Variants in DYNLT5 observed in about 807,000 individuals in gnomAD.
The protein encoded by DYNLT5 is dynein light chain Tctex-type 5.
A neutral mutation model predicts 19.3 loss-of-function variants in DYNLT5; 25 were observed. That is an observed-to-expected ratio of 1.30 (90% CI 0.95 to 1.81). The LOEUF is 1.81. Ranked by LOEUF, DYNLT5 falls within the 40% of genes most tolerant of loss-of-function variation. The probability of loss-of-function intolerance (pLI) is 0.00; values close to 1 mark genes in which losing one functional copy is unlikely to be tolerated. For missense variants in DYNLT5, 232 were observed against 217.9 expected (o/e 1.06, Z -0.41); for synonymous variants, 82 against 68.9 (o/e 1.19, Z -0.94).
At chr1:66,755,807 T>C (rs2094635148) in intron 2 of DYNLT5, 1 of 152,224 alleles carries the variant, frequency 6.6e-6, no homozygotes, top group African/African-American at 2.4e-5. Context: ...AATTTTTGCT[T>C]CTAAACTTTT....
rs2150870401 is a variant in DYNLT5, at chr1:66,777,650, T to A, written c.*196T>A. 1 of 447,812 alleles carries A rather than the reference T, an allele frequency of 2.2e-6. No individual in the cohort carries two copies. The highest frequency in any genetic ancestry group is 3.3e-5 in the East Asian group (1 of 30,658). The allele number at this position is 447,812 out of a possible 1,614,324, so 27.7% of individuals were successfully genotyped here. On this transcript the variant is annotated 3_prime_UTR_variant, in exon 5 of 5. Coordinates refer to ENST00000282670, the MANE Select transcript of DYNLT5 (RefSeq NM_152665.3). ...GTAGCCACAGAAAGAATCTTGTTTA[T>A]CTAAAGCAGGAACTTGATCTTGGTT... is the stretch of plus-strand genomic sequence containing the variant.
chr1:66,764,322 C>A (rs2094650858), intron 2 of DYNLT5, among the ~76,000 whole-genome samples: 1 of 152,194 alleles, frequency 6.6e-6, no homozygotes, highest in African/African-American at 2.4e-5. Flanking sequence ...TTGGTTATTT[C>A]TAGCTTTTGA....
intron 2 of DYNLT5, among the ~76,000 whole-genome samples, chr1:66,758,199 A>C (rs2094639941): frequency 6.6e-6 from 1 of 152,232 alleles, no homozygotes; most frequent in East Asian, 1.9e-4. Flanking sequence ...TAATAAAACT[A>C]TTCTGTTCAT....
At chr1:66,758,204 G>C (rs1361621477) in intron 2 of DYNLT5, among the ~76,000 whole-genome samples, 2 of 152,126 alleles carry the variant, frequency 1.3e-5, no homozygotes, top group African/African-American at 4.8e-5. Context: ...AAACTATTCT[G>C]TTCATTCACC....
chr1:66,772,104 C>T (rs547388002), intron 3 of DYNLT5, among the ~76,000 whole-genome samples: 1 of 152,162 alleles, frequency 6.6e-6, no homozygotes, highest in African/African-American at 2.4e-5. Context: ...GGGTTTATTT[C>T]ACATATGAAA....
At chr1:66,772,901 T>C (rs950999995) in intron 3 of DYNLT5, among the ~76,000 whole-genome samples, 1 of 152,226 alleles carries the variant, frequency 6.6e-6, no homozygotes, top group African/African-American at 2.4e-5. Flanking sequence ...TGAATACTAA[T>C]TTTGCTAATT....
chr1:66,771,771 G>A (rs1196637037), intron 3 of DYNLT5, among the ~76,000 whole-genome samples: 1 of 152,206 alleles, frequency 6.6e-6, no homozygotes, highest in Non-Finnish European at 1.5e-5. Context: ...GTGCATGCTG[G>A]AAGGGTTTGA....
chr1:66,767,592 C>T (rs1355700427), intron 2 of DYNLT5, among the ~76,000 whole-genome samples: 1 of 152,172 alleles, frequency 6.6e-6, no homozygotes, highest in Non-Finnish European at 1.5e-5. Context: ...CTTGTAGCAT[C>T]CCACTTCCAG....
At position 66,777,557 on chromosome 1, in the gene DYNLT5, C is replaced by A. The variant is rs1572554303; in HGVS notation, c.*103C>A. On this transcript the variant is annotated 3_prime_UTR_variant, in exon 5 of 5. Transcript: ENST00000282670. ...CAAAAACTTTGAGAAAGAAACAACA[C>A]TGATATTTCAAGCAACTGGAAGCTT... 1 of 987,130 alleles carries A rather than the reference C, an allele frequency of 1.0e-6. No homozygotes were observed. Among genetic ancestry groups the A allele is most frequent in the African/African-American group, 1.6e-5 (1 of 61,808 alleles). The allele number at this position is 987,130 out of a possible 1,614,324, so 61.1% of individuals were successfully genotyped here.
rs570371935 is a variant in DYNLT5 at position 66,755,030 on chromosome 1, C to T, written c.119+253C>T. ...AACCCTCTGCTCAAAAGAAACACCA[C>T]ATGCAATGTAAACCAGACACGCTTA... On this transcript the variant is annotated intron_variant, in intron 2 of 4. Coordinates refer to ENST00000282670, the MANE Select transcript of DYNLT5 (RefSeq NM_152665.3). 2.6e-5 allele frequency among the ~76,000 whole-genome samples: 4 copies of T among 152,216 alleles called. No homozygotes were observed. In the East Asian group the frequency reaches 7.7e-4, roughly 29 times the overall value.
intron 3 of DYNLT5, among the ~76,000 whole-genome samples, chr1:66,772,890 T>C (rs1026330199): frequency 6.6e-6 from 1 of 152,242 alleles, no homozygotes; most frequent in Non-Finnish European, 1.5e-5. Flanking sequence ...GTATCTGAAT[T>C]TGAATACTAA....
intron 2 of DYNLT5, among the ~76,000 whole-genome samples, chr1:66,762,503 A>T (rs1216169414): frequency 1.3e-5 from 2 of 152,200 alleles, no homozygotes; most frequent in African/African-American, 4.8e-5. Flanking sequence ...AACCCGTCAA[A>T]GTCATCCCTG....
chr1:66,776,205 T>A (rs1645233377), intron 3 of DYNLT5, 74 bp from the exon 4 acceptor site: 1 of 1,529,876 alleles, frequency 6.5e-7, no homozygotes, highest in South Asian at 1.3e-5. Flanking sequence ...TCCATACTCT[T>A]TTGATTAGCC....
intron 3 of DYNLT5, among the ~76,000 whole-genome samples, chr1:66,774,364 G>A (rs1645222622): frequency 6.6e-6 from 1 of 151,826 alleles, no homozygotes; most frequent in South Asian, 2.1e-4. Flanking sequence ...CATGCCCTAG[G>A]CTTGGGTTCG....
At chr1:66,756,874 C>T (rs1047263245) in intron 2 of DYNLT5, among the ~76,000 whole-genome samples, 10 of 151,504 alleles carry the variant, frequency 6.6e-5, no homozygotes, top group Admixed American at 6.6e-4. Context: ...CATGTTGCTT[C>T]CCCATGGGGT....
chr1:66,774,491 C>T (rs1373891710), intron 3 of DYNLT5, among the ~76,000 whole-genome samples: 1 of 151,814 alleles, frequency 6.6e-6, no homozygotes, highest in African/African-American at 2.4e-5. Context: ...ATAAAAATAA[C>T]GATTTATAGA....
chr1:66,757,821 T>C (rs116142172), intron 2 of DYNLT5, among the ~76,000 whole-genome samples: 26 of 152,282 alleles, frequency 1.7e-4, no homozygotes, highest in African/African-American at 6.0e-4. Flanking sequence ...TTGCAGCATG[T>C]AAAAATAACA....
In DYNLT5 at chr1:66,777,348, G is replaced by GA. The variant is rs1330374801; in HGVS notation, c.436dup (p.Ser146LysfsTer8). ...CTGAACAGGCAGAGCATACTTATTGGAAGCAGATGCCTCTGGGATCCTAAA... is the reference window on the plus strand; with the variant it reads ...CTGAACAGGCAGAGCATACTTATTGGAAAGCAGATGCCTCTGGGATCCTAAA... On this transcript the variant is annotated frameshift_variant, in exon 5 of 5. Coordinates refer to ENST00000282670, the MANE Select transcript of DYNLT5 (RefSeq NM_152665.3). LOFTEE classifies it high-confidence loss of function. The GA allele has an allele frequency of 6.2e-7, 1 of 1,613,910 alleles. No individual in the cohort carries two copies. The highest frequency in any genetic ancestry group is 1.1e-5 in the South Asian group (1 of 91,064).
At position 66,776,296 on chromosome 1, in the gene DYNLT5, C is replaced by T. The variant is rs775744632; in HGVS notation, c.229C>T (p.Pro77Ser). ...ATTTTCAGGTCCTCCCAAACATTTT[C>T]CTGTGGTCACCGTCAATCATATTTT... is the stretch of plus-strand genomic sequence containing the variant. ...TYQLGPPKHF[P>S]VVTVNHILKD... The change falls in exon 4 of 5, where the codon CCT becomes TCT. Residue 77 changes from proline to serine, a missense_variant. Transcript: ENST00000282670. The T allele has an allele frequency of 3.1e-6, 5 of 1,612,356 alleles. No individual in the cohort carries two copies. In the East Asian group the frequency reaches 1.1e-4, roughly 36 times the overall value.
Sources: allele counts gnomAD v4.1 joint callset (sites outside exome capture counted in the v4.1 genomes callset), GRCh38; gene constraint gnomAD v4.1.1; transcripts MANE v1.5; gene names NCBI Gene and HGNC (gene_info 2026-07-23, HGNC 2026-07-21).